LUC7L2: variants seen among roughly 807,000 people sequenced by gnomAD.
LUC7L2 encodes LUC7 like 2, pre-mRNA splicing factor, also known as putative RNA-binding protein Luc7-like 2.
Under a neutral mutation model 52.8 loss-of-function variants are expected in LUC7L2, and 25 were observed. The observed-to-expected ratio is 0.47, with a 90% CI of 0.34 to 0.66. LUC7L2 has a LOEUF of 0.66. Among genes scored for constraint, LUC7L2 ranks in the 30% least tolerant of loss-of-function variants. The pLI, the probability that LUC7L2 is intolerant of heterozygous loss-of-function variation, is 0.01. For missense variants in LUC7L2, 328 were observed against 497.8 expected, an observed-to-expected ratio of 0.66 and a Z score of 3.25; for synonymous variants, 144 against 160.9, an observed-to-expected ratio of 0.89 and a Z score of 0.80.
intron 1 of LUC7L2, among the ~76,000 whole-genome samples, chr7:139,348,564 C>A (rs186881570): frequency 6.6e-6 from 1 of 151,414 alleles, no homozygotes; most frequent in African/African-American, 2.4e-5. Context: ...ACTAAAAGTA[C>A]AAAAATTAGC....
chr7:139,375,646 A>G (rs921249383), intron 1 of LUC7L2: 43 of 976,444 alleles, frequency 4.4e-5, no homozygotes, highest in African/African-American at 1.1e-4. Flanking sequence ...AAATATATCA[A>G]TGCTTAGTGT....
chr7:139,358,834 T>A (rs1490825220), upstream of LUC7L2, among the ~76,000 whole-genome samples: 1 of 151,926 alleles, frequency 6.6e-6, no homozygotes, highest in Non-Finnish European at 1.5e-5. Context: ...GCGCCCGCCA[T>A]CACGCCCGGC....
At chr7:139,397,465 A>G (rs1315480862) in intron 2 of LUC7L2, among the ~76,000 whole-genome samples, 2 of 152,232 alleles carry the variant, frequency 1.3e-5, no homozygotes, top group East Asian at 1.9e-4. Context: ...GTGTCACTTA[A>G]GTCTATATCC....
intron 3 of LUC7L2, among the ~76,000 whole-genome samples, chr7:139,399,615 G>A (rs1452688644): frequency 4.0e-5 from 6 of 151,460 alleles, no homozygotes; most frequent in African/African-American, 7.3e-5. Context: ...GACTACAGGC[G>A]CCTGCCACCA....
intron 1 of LUC7L2, chr7:139,340,679 G>T (rs764912495): frequency 2.3e-5 from 9 of 394,612 alleles, no homozygotes; most frequent in South Asian, 1.4e-4. Context: ...AATATGTTGT[G>T]TGAGCGCGTC....
Position 139,407,342 on chromosome 7 carries a change from G to GA in LUC7L2, c.681dup (p.Leu228IlefsTer7). 6.2e-7 allele frequency: 1 copy of GA among 1,607,908 alleles called. No homozygotes were observed. The highest frequency in any genetic ancestry group is 8.5e-7 in the Non-Finnish European group (1 of 1,177,044). On this transcript the variant is annotated frameshift_variant, in exon 6 of 10. Transcript: ENST00000354926. LOFTEE classifies it high-confidence loss of function. ...TATTGAAATAAGAGAGAAGCTTGAA[G>GA]AATTAAAGGTACATTGGTAAAATAT...
At chr7:139,361,336 C>A (rs1047416053) in intron 1 of LUC7L2, among the ~76,000 whole-genome samples, 2 of 152,148 alleles carry the variant, frequency 1.3e-5, no homozygotes, top group Non-Finnish European at 2.9e-5. Context: ...TAAGGAAATG[C>A]TTTTTTTCTT....
chr7:139,343,305 T>C (rs1277213178), intron 1 of LUC7L2, among the ~76,000 whole-genome samples: 1 of 152,220 alleles, frequency 6.6e-6, no homozygotes, highest in Non-Finnish European at 1.5e-5. Context: ...TAAAGCAGAT[T>C]AATTCTGTTT....
At chr7:139,364,463 C>T (rs879721762) in intron 1 of LUC7L2, among the ~76,000 whole-genome samples, 10 of 152,058 alleles carry the variant, frequency 6.6e-5, no homozygotes, top group Admixed American at 1.3e-4. Flanking sequence ...GGGACTGTTT[C>T]GGGCAAGTTA....
At chr7:139,398,111 G>A (rs1377670894) in intron 2 of LUC7L2, among the ~76,000 whole-genome samples, 1 of 152,132 alleles carries the variant, frequency 6.6e-6, no homozygotes, top group East Asian at 1.9e-4. Flanking sequence ...CTCCTGCCTT[G>A]GCCTTCCAAA....
chr7:139,370,858 T>C (rs1207598602), intron 1 of LUC7L2, among the ~76,000 whole-genome samples: 1 of 152,204 alleles, frequency 6.6e-6, no homozygotes, highest in Non-Finnish European at 1.5e-5. Flanking sequence ...TTACGTGAAC[T>C]CAGCAGCTTA....
chr7:139,347,550 G>T (rs1799308913), intron 1 of LUC7L2, among the ~76,000 whole-genome samples: 1 of 150,986 alleles, frequency 6.6e-6, no homozygotes, highest in Non-Finnish European at 1.5e-5. Flanking sequence ...TTGCACCATT[G>T]CACTCCAGCC....
chr7:139,420,400 G>A (rs1033363366), intron 9 of LUC7L2, among the ~76,000 whole-genome samples: 2 of 152,048 alleles, frequency 1.3e-5, no homozygotes, highest in Non-Finnish European at 2.9e-5. Flanking sequence ...ACAGGGTTAC[G>A]CCATGTTGGC....
chr7:139,383,125 A>T (rs1801124028), intron 2 of LUC7L2, among the ~76,000 whole-genome samples: 1 of 150,580 alleles, frequency 6.6e-6, no homozygotes, highest in Non-Finnish European at 1.5e-5. Flanking sequence ...TTATTTATTT[A>T]TTTTTTTGAG....
At chr7:139,365,593 G>C (rs1007667945) in intron 1 of LUC7L2, among the ~76,000 whole-genome samples, 6 of 152,184 alleles carry the variant, frequency 3.9e-5, no homozygotes, top group African/African-American at 1.4e-4. Context: ...AGTTCAGCAA[G>C]CAGGAGGGTT....
chr7:139,362,370 T>G (rs1167514412), intron 1 of LUC7L2, among the ~76,000 whole-genome samples: 2 of 152,172 alleles, frequency 1.3e-5, no homozygotes, highest in Non-Finnish European at 2.9e-5. Context: ...TTCAGGACTT[T>G]TAATAATTAG....
intron 2 of LUC7L2, among the ~76,000 whole-genome samples, chr7:139,386,299 G>A (rs1008497355): frequency 6.6e-6 from 1 of 151,856 alleles, no homozygotes; most frequent in African/African-American, 2.4e-5. Flanking sequence ...ACTGTGCCCA[G>A]CCTAAAAATA....
At chr7:139,341,514 G>T (rs777537487) in intron 1 of LUC7L2, 2 of 1,612,672 alleles carry the variant, frequency 1.2e-6, no homozygotes, top group Non-Finnish European at 1.7e-6. Flanking sequence ...GGCTTTCCGT[G>T]CACATCGGGT....
intron 1 of LUC7L2, among the ~76,000 whole-genome samples, chr7:139,362,654 A>C (rs1415317308): frequency 6.8e-6 from 1 of 146,516 alleles, no homozygotes; most frequent in Non-Finnish European, 1.5e-5. Context: ...TCCAGAGACT[A>C]TAAAGCAGCG....
Sources: allele counts gnomAD v4.1 joint callset (sites outside exome capture counted in the v4.1 genomes callset), GRCh38; gene constraint gnomAD v4.1.1; transcripts MANE v1.5; gene names NCBI Gene and HGNC (gene_info 2026-07-23, HGNC 2026-07-21).